Variants in TJP1 observed in about 807,000 individuals in gnomAD.
TJP1 encodes tight junction protein ZO-1.
TJP1 carries 43 observed loss-of-function variants against 194.2 expected under a neutral mutation model. That is an observed-to-expected ratio of 0.22 (90% CI 0.17 to 0.29). TJP1 has a LOEUF of 0.29. Among genes scored for constraint, TJP1 ranks in the 10% least tolerant of loss-of-function variants. The pLI is 1.00. For missense variants in TJP1, 1,971 were observed against 2,185.7 expected, an observed-to-expected ratio of 0.90 and a Z score of 1.96; for synonymous variants, 801 against 779.0, an observed-to-expected ratio of 1.03 and a Z score of -0.47.
chr15:29,827,528 G>A (rs909065917), intron 2 of TJP1, among the ~76,000 whole-genome samples: 3 of 152,120 alleles, frequency 2.0e-5, no homozygotes, highest in Admixed American at 6.5e-5. Context: ...TCTTCTAGCC[G>A]GCTTGAGGCA....
intron 15 of TJP1, chr15:29,732,123 G>T: frequency 3.8e-6 from 1 of 260,180 alleles, no homozygotes. Context: ...CAAGTCTCAG[G>T]CTACTCAACT....
rs146162474 is a variant in TJP1, at chr15:29,841,690, C to T, written c.307-40988G>A. ...ATTTTTAAAAGATCAAAATTGGAGC[C>T]CCTGTTTTTTTCCTTCCTTCCTCCT... is the stretch of plus-strand genomic sequence containing the variant. On this transcript the variant is annotated intron_variant, in intron 2 of 28. Transcript: ENST00000356107. Among the ~76,000 whole-genome samples, 325 of 151,832 alleles carry T rather than the reference C, an allele frequency of 2.1e-3. 1 individual carries two copies. Among genetic ancestry groups the T allele is most frequent in the African/African-American group, 7.6e-3 (313 of 41,424 alleles).
intron 2 of TJP1, among the ~76,000 whole-genome samples, chr15:29,866,454 T>C (rs1431870883): frequency 2.0e-5 from 3 of 152,228 alleles, no homozygotes; most frequent in African/African-American, 7.2e-5. Flanking sequence ...TATTTGAACA[T>C]GGCTTTGGCA....
intron 11 of TJP1, among the ~76,000 whole-genome samples, chr15:29,737,010 C>T (rs960471476): frequency 6.6e-6 from 1 of 152,118 alleles, no homozygotes; most frequent in African/African-American, 2.4e-5. Context: ...TCCATGAACA[C>T]GAGTGGTAGA....
chr15:29,953,737 A>G (rs537475404), intron 2 of TJP1, among the ~76,000 whole-genome samples: 42 of 152,338 alleles, frequency 2.8e-4, no homozygotes, highest in Middle Eastern at 3.4e-3. Flanking sequence ...ATGACCTCAA[A>G]AACCTGAGTA....
chr15:29,789,057 T>A (rs1252623985), intron 2 of TJP1, among the ~76,000 whole-genome samples: 1 of 152,238 alleles, frequency 6.6e-6, no homozygotes, highest in African/African-American at 2.4e-5. Context: ...ACTTATCACA[T>A]GTTGAAATAT....
intron 1 of TJP1, among the ~76,000 whole-genome samples, chr15:29,801,747 C>T: frequency 6.6e-6 from 1 of 151,984 alleles, no homozygotes; most frequent in African/African-American, 2.4e-5. Context: ...AGGCGTGAGC[C>T]ACCGCGCCCG....
At chr15:29,777,030 C>A (rs765198294) in intron 2 of TJP1, among the ~76,000 whole-genome samples, 94 of 152,046 alleles carry the variant, frequency 6.2e-4, no homozygotes, top group Non-Finnish European at 1.1e-3. Flanking sequence ...GCCTTCCACC[C>A]CCCCCACTCA....
At chr15:29,856,062 A>T (rs1438033488) in intron 2 of TJP1, among the ~76,000 whole-genome samples, 4 of 152,226 alleles carry the variant, frequency 2.6e-5, no homozygotes, top group Non-Finnish European at 5.9e-5. Context: ...AAAACAGCAC[A>T]ACTGTGCTTC....
intron 8 of TJP1, among the ~76,000 whole-genome samples, chr15:29,757,253 A>G (rs1260557273): frequency 2.0e-5 from 3 of 152,198 alleles, no homozygotes; most frequent in Non-Finnish European, 2.9e-5. Context: ...AAAATATACA[A>G]AAGTATTCAG....
At chr15:29,910,334 TA>T (rs747380984) in intron 2 of TJP1, among the ~76,000 whole-genome samples, 16 of 152,176 alleles carry the variant, frequency 1.1e-4, no homozygotes, top group Non-Finnish European at 1.8e-4. Flanking sequence ...AGAGTGATTT[TA>T]TTAGGTTCAC....
chr15:29,720,771 C>T (rs11636849), intron 18 of TJP1, 63 bp from the exon 19 acceptor site: 180,754 of 1,271,626 alleles, frequency 0.14, 13,425 homozygotes, highest in South Asian at 0.15. Flanking sequence ...TGGCCTTTAT[C>T]GTACAAGGCA....
chr15:29,955,910 T>C (rs1044418210), intron 2 of TJP1, among the ~76,000 whole-genome samples: 5 of 152,082 alleles, frequency 3.3e-5, no homozygotes, highest in Admixed American at 6.5e-5. Context: ...TCTCTACTTA[T>C]ATTAACATGT....
At chr15:29,854,009 CTG>C (rs1256027363) in intron 2 of TJP1, among the ~76,000 whole-genome samples, 1 of 152,162 alleles carries the variant, frequency 6.6e-6, no homozygotes, top group Non-Finnish European at 1.5e-5. Context: ...CATGAGAAAA[CTG>C]TGACTGATAT....
At chr15:29,894,572 C>A (rs949057120) in intron 2 of TJP1, among the ~76,000 whole-genome samples, 2 of 152,206 alleles carry the variant, frequency 1.3e-5, no homozygotes, top group African/African-American at 4.8e-5. Flanking sequence ...AGGCTCTGGG[C>A]AGCCAAACCC....
intron 4 of TJP1, among the ~76,000 whole-genome samples, chr15:29,768,460 G>GT (rs1417976172): frequency 9.9e-5 from 15 of 152,058 alleles, no homozygotes; most frequent in African/African-American, 3.4e-4. Flanking sequence ...TTCCTCCCTA[G>GT]TAATAAACAA....
At chr15:29,754,847 C>T (rs1013464550) in intron 8 of TJP1, among the ~76,000 whole-genome samples, 14 of 152,268 alleles carry the variant, frequency 9.2e-5, no homozygotes, top group African/African-American at 2.6e-4. Context: ...AGATTACCTA[C>T]GCTCAACCTG....
intron 16 of TJP1, 91 bp from the exon 17 acceptor site, chr15:29,727,082 G>T: frequency 8.7e-7 from 1 of 1,146,850 alleles, no homozygotes; most frequent in Non-Finnish European, 1.3e-6. Flanking sequence ...CTCACGCTAC[G>T]CCTATAATCC....
chr15:29,774,056 G>T (rs1026244537), intron 2 of TJP1, among the ~76,000 whole-genome samples: 2 of 152,114 alleles, frequency 1.3e-5, no homozygotes, highest in African/African-American at 4.8e-5. Context: ...TAATCTCAAA[G>T]AAATCACTAT....
Sources: gnomAD v4.1 joint callset for allele counts (sites outside exome capture counted in the v4.1 genomes callset) on GRCh38, gnomAD v4.1.1 for gene constraint, MANE v1.5 for transcripts, NCBI Gene and HGNC (gene_info 2026-07-23, HGNC 2026-07-21) for gene names.